The following DNAH12 variants were observed in gnomAD, a reference collection of about 807,000 sequenced individuals.
The protein encoded by DNAH12 is dynein axonemal heavy chain 12, also known as axonemal beta dynein heavy chain 12.
Under a neutral mutation model 371.5 loss-of-function variants are expected in DNAH12, and 285 were observed. The ratio of observed to expected loss-of-function variants is 0.77; its 90% CI spans 0.70 to 0.85. DNAH12 has a LOEUF of 0.85. DNAH12 is among the 40% of genes least tolerant of loss of function. The pLI, the probability that DNAH12 is intolerant of heterozygous loss-of-function variation, is 0.00. For synonymous variants in DNAH12, 1,200 were observed against 1,213.0 expected, an observed-to-expected ratio of 0.99 and a Z score of 0.22; for missense variants, 3,611 against 3,689.4, an observed-to-expected ratio of 0.98 and a Z score of 0.55.
chr3:57,306,957 G>C (rs915111623), intron 69 of DNAH12, among the ~76,000 whole-genome samples: 3 of 151,984 alleles, frequency 2.0e-5, no homozygotes, highest in Admixed American at 6.5e-5. Flanking sequence ...ACTATTCTTT[G>C]CACCCTTCAT....
At chr3:57,534,508 C>CT (rs35588123) in intron 2 of DNAH12, among the ~76,000 whole-genome samples, 41,602 of 108,780 alleles carry the variant, frequency 0.38, 9,368 homozygotes, top group South Asian at 0.54. Flanking sequence ...TGTTAGCTAG[C>CT]TTTTTTTTTT....
chr3:57,323,445 A>C, intron 63 of DNAH12, 24 bp downstream of exon 63: 1 of 1,507,288 alleles, frequency 6.6e-7, no homozygotes, highest in African/African-American at 1.4e-5. Flanking sequence ...TGATTTCTTA[A>C]AAGTTTACAG....
intron 13 of DNAH12, among the ~76,000 whole-genome samples, chr3:57,477,368 G>A (rs925839944): frequency 1.3e-5 from 2 of 152,138 alleles, no homozygotes; most frequent in African/African-American, 4.8e-5. Flanking sequence ...GCAGCAGAGA[G>A]GCTGGGGGAG....
chr3:57,350,918 A>G, intron 60 of DNAH12, among the ~76,000 whole-genome samples: 1 of 152,188 alleles, frequency 6.6e-6, no homozygotes, highest in African/African-American at 2.4e-5. Flanking sequence ...TATAAATTCA[A>G]ACCATGATGC....
At chr3:57,405,332 T>A (rs528086192) in intron 41 of DNAH12, among the ~76,000 whole-genome samples, 185 bp from the exon 42 acceptor site, 1 of 152,278 alleles carries the variant, frequency 6.6e-6, no homozygotes, top group South Asian at 2.1e-4. Context: ...AAAAGTAAGA[T>A]TTATATGTTT....
intron 69 of DNAH12, among the ~76,000 whole-genome samples, chr3:57,306,175 C>G (rs897676275): frequency 2.0e-5 from 3 of 152,214 alleles, no homozygotes; most frequent in Admixed American, 6.5e-5. Flanking sequence ...CCGATCGCCT[C>G]AGAAGCCCCT....
intron 49 of DNAH12, among the ~76,000 whole-genome samples, chr3:57,383,401 A>G: frequency 6.6e-6 from 1 of 152,260 alleles, no homozygotes; most frequent in African/African-American, 2.4e-5. Context: ...GAAGCCATCA[A>G]GAATCCTATA....
At chr3:57,336,749 T>A (rs1470189089) in intron 60 of DNAH12, among the ~76,000 whole-genome samples, 1 of 152,166 alleles carries the variant, frequency 6.6e-6, no homozygotes, top group African/African-American at 2.4e-5. Context: ...ACTCACATCC[T>A]CACAATAAGA....
chr3:57,301,873 CAT>C lies in DNAH12; in HGVS notation c.11254_11255del (p.Met3752GlyfsTer10). The C allele has an allele frequency of 6.4e-7, 1 of 1,551,632 alleles. No individual in the cohort carries two copies. Among genetic ancestry groups the C allele is most frequent in the African/African-American group, 1.4e-5 (1 of 73,130 alleles). On this transcript the variant is annotated frameshift_variant, in exon 70 of 74. Transcript: ENST00000495027. LOFTEE classifies it high-confidence loss of function. ...LEKAIKGVVV[M>X]DSALEALSGS... Reference sequence around the variant, plus strand: ...CGGAGAGTGCCTCCAATGCAGAATCCATCACAACCACACCCTTAATAGCTTTT... The same window carrying C: ...CGGAGAGTGCCTCCAATGCAGAATCCCACAACCACACCCTTAATAGCTTTT...
intron 58 of DNAH12, among the ~76,000 whole-genome samples, chr3:57,361,668 C>T (rs2062940111): frequency 1.3e-5 from 2 of 151,680 alleles, no homozygotes; most frequent in African/African-American, 4.9e-5. Context: ...GCAACTACCT[C>T]CACCAAGAAC....
chr3:57,480,841 C>T (rs534648266), intron 13 of DNAH12, among the ~76,000 whole-genome samples: 3 of 152,080 alleles, frequency 2.0e-5, no homozygotes, highest in Non-Finnish European at 2.9e-5. Context: ...TCAATAGATG[C>T]GGAAAAGGCC....
chr3:57,386,111 T>C (rs933808190), intron 47 of DNAH12, among the ~76,000 whole-genome samples: 1 of 152,154 alleles, frequency 6.6e-6, no homozygotes. Context: ...AAATCTTATA[T>C]TTAACCAGCT....
At position 57,449,005 on chromosome 3, in the gene DNAH12, T is replaced by C. The variant is rs538813996; in HGVS notation, c.3787-2316A>G. ...AGAGCAGCTAGATACAGAGTGTTGA[T>C]TGGTGCACTCACAAACCTTGAGCTA... On this transcript the variant is annotated intron_variant, in intron 25 of 73. Coordinates refer to ENST00000495027, the MANE Select transcript of DNAH12 (RefSeq NM_001366028.2). Among the ~76,000 whole-genome samples, 82 of 121,600 alleles carry C rather than the reference T, an allele frequency of 6.7e-4. 3 individuals are homozygous for C. The highest frequency in any genetic ancestry group is 2.3e-3 in the African/African-American group (70 of 29,970). The allele number at this position is 121,600 out of a possible 152,430, so 79.8% of individuals were successfully genotyped here.
In DNAH12 at chr3:57,428,839, C is replaced by A. The variant is rs2064865009; in HGVS notation, c.5065-18G>T. The stretch of plus-strand genomic sequence containing the variant: ...GTGGCAGGCTAGAGAAAAAAGGCAA[C>A]TTTTTGCACTGTTGTTTTTATACCA... On this transcript the variant is annotated intron_variant, in intron 33 of 73. Coordinates refer to ENST00000495027, the MANE Select transcript of DNAH12 (RefSeq NM_001366028.2). 3.3e-6 allele frequency: 5 copies of A among 1,505,900 alleles called. 1 individual carries two copies. The South Asian group carries it at 6.6e-5, about 20-fold the overall frequency. 93.3% of individuals were successfully genotyped at this position (1,505,900 alleles called of 1,614,324 possible).
chr3:57,409,628 C>T (rs1191158207), intron 39 of DNAH12, among the ~76,000 whole-genome samples: 6 of 151,898 alleles, frequency 4.0e-5, no homozygotes, highest in Non-Finnish European at 4.4e-5. Flanking sequence ...CTGAGATAAT[C>T]GCAGTGATTA....
intron 13 of DNAH12, 69 bp from the exon 14 acceptor site, chr3:57,472,740 C>A (rs902640155): frequency 7.6e-6 from 11 of 1,442,674 alleles, no homozygotes; most frequent in East Asian, 7.5e-5. Flanking sequence ...AGAGAAGAAC[C>A]AACAACAATC....
chr3:57,426,208 G>A (rs11928930), intron 34 of DNAH12, among the ~76,000 whole-genome samples: 49,247 of 151,966 alleles, frequency 0.32, 10,965 homozygotes, highest in African/African-American at 0.63. Context: ...ATGAAGGAGG[G>A]ATGCCCAAAA....
At chr3:57,367,855 A>G (rs1340273442) in intron 56 of DNAH12, among the ~76,000 whole-genome samples, 191 bp downstream of exon 56, 3 of 152,322 alleles carry the variant, frequency 2.0e-5, no homozygotes, top group African/African-American at 2.4e-5. Context: ...AGGGCAAGGT[A>G]TTTATCTTAG....
intron 62 of DNAH12, among the ~76,000 whole-genome samples, chr3:57,329,666 T>A (rs1256934987): frequency 6.8e-6 from 1 of 148,056 alleles, no homozygotes; most frequent in South Asian, 2.2e-4. Context: ...GGACTTCATG[T>A]CTAAAACACC....
Sources: gnomAD v4.1 joint callset for allele counts (sites outside exome capture counted in the v4.1 genomes callset) on GRCh38, gnomAD v4.1.1 for gene constraint, MANE v1.5 for transcripts, NCBI Gene and HGNC (gene_info 2026-07-23, HGNC 2026-07-21) for gene names.